The following NDUFS2 variants were observed in gnomAD, a reference collection of about 807,000 sequenced individuals.
The protein encoded by NDUFS2 is NADH:ubiquinone oxidoreductase core subunit S2.
Under a neutral mutation model 69.6 loss-of-function variants are expected in NDUFS2, and 38 were observed. That is an observed-to-expected ratio of 0.55 (90% CI 0.42 to 0.72). The LOEUF is 0.72. Among genes scored for constraint, NDUFS2 ranks in the 30% least tolerant of loss-of-function variants. The pLI is 0.00. For synonymous variants in NDUFS2, 194 were observed against 211.2 expected, an observed-to-expected ratio of 0.92 and a Z score of 0.70; for missense variants, 468 against 595.0, an observed-to-expected ratio of 0.79 and a Z score of 2.22.
At chr1:161,212,262 C>T in intron 9 of NDUFS2, 89 bp from the exon 10 acceptor site, 1 of 1,549,602 alleles carries the variant, frequency 6.5e-7, no homozygotes, top group South Asian at 1.1e-5. Context: ...GTTGACCTAA[C>T]CCTTTTGAGG....
upstream of NDUFS2, chr1:161,198,271 C>T: frequency 6.2e-7 from 1 of 1,613,974 alleles, no homozygotes; most frequent in African/African-American, 1.3e-5. This position sits in a 1 kb window ranked among gnomAD's most constrained non-coding sequence, Gnocchi z 4.7. Flanking sequence ...CTGCTCCACC[C>T]AGCAGCTCAG....
intron 2 of NDUFS2, among the ~76,000 whole-genome samples, 185 bp from the exon 3 acceptor site, chr1:161,206,222 A>G (rs1207753948): frequency 1.3e-5 from 2 of 152,216 alleles, no homozygotes; most frequent in East Asian, 3.8e-4. Context: ...GTCTGTCATC[A>G]GAAAGTTTAG....
At chr1:161,197,978 A>T, upstream of NDUFS2, 1 of 1,538,828 alleles carries the variant, frequency 6.5e-7, no homozygotes, top group Non-Finnish European at 8.8e-7. Context: ...CAGGACACAG[A>T]CTCCAGAGAT....
chr1:161,208,340 G>A (rs1207650212), intron 3 of NDUFS2, among the ~76,000 whole-genome samples: 1 of 151,872 alleles, frequency 6.6e-6, no homozygotes, highest in African/African-American at 2.4e-5. Flanking sequence ...TGCTCTTGTT[G>A]CCTAGGCTAG....
At chr1:161,212,248 G>A in intron 9 of NDUFS2, 103 bp from the exon 10 acceptor site, 5 of 1,420,594 alleles carry the variant, frequency 3.5e-6, no homozygotes, top group Non-Finnish European at 4.9e-6. Context: ...AAAGAGTGGG[G>A]AGAGTTGACC....
intron 2 of NDUFS2, among the ~76,000 whole-genome samples, chr1:161,205,660 C>T (rs1665418447): frequency 6.6e-6 from 1 of 151,622 alleles, no homozygotes; most frequent in South Asian, 2.1e-4. Flanking sequence ...CCCAGCTACT[C>T]TGGAGGCTGA....
chr1:161,212,704 C>A, intron 10 of NDUFS2: 1 of 437,610 alleles, frequency 2.3e-6, no homozygotes, highest in Non-Finnish European at 4.2e-6. Flanking sequence ...AGATTACAGG[C>A]GTGTGCCACT....
At chr1:161,197,966 C>T (rs200879343), upstream of NDUFS2, 349 of 1,532,378 alleles carry the variant, frequency 2.3e-4, 3 homozygotes, top group East Asian at 6.1e-3. Context: ...GGGAGGACAC[C>T]GCAGGACACA....
upstream of NDUFS2, chr1:161,199,223 G>C (rs1464023754): frequency 6.6e-6 from 1 of 152,426 alleles, no homozygotes; most frequent in Non-Finnish European, 1.5e-5. Flanking sequence ...CAGCCGAATG[G>C]ATAATAGGCA....
At chr1:161,213,329 G>C (rs1665873789) in intron 10 of NDUFS2, 51 bp from the exon 11 acceptor site, 7 of 1,263,600 alleles carry the variant, frequency 5.5e-6, no homozygotes, top group Non-Finnish European at 8.0e-6. Context: ...GGAGGCCTAG[G>C]AGACAGAGTT....
chr1:161,197,917 G>A (rs1236693764), upstream of NDUFS2: 4 of 1,505,706 alleles, frequency 2.7e-6, no homozygotes, highest in Non-Finnish European at 2.7e-6. Flanking sequence ...GTAAGTGGGT[G>A]GAGAGAGGGT....
chr1:161,205,052 A>C (rs538625268), intron 2 of NDUFS2, among the ~76,000 whole-genome samples: 29 of 152,142 alleles, frequency 1.9e-4, no homozygotes, highest in African/African-American at 7.0e-4. Context: ...CTGTCTCAAA[A>C]AAAAAAAAAA....
chr1:161,199,890 C>T (rs1402544214), upstream of NDUFS2, among the ~76,000 whole-genome samples: 2 of 151,462 alleles, frequency 1.3e-5, no homozygotes, highest in Admixed American at 1.3e-4. Flanking sequence ...GTTCCCCCTC[C>T]CCACTTCCTG....
chr1:161,197,906 T>TAGAAGGGAGGGAAGCAGAACGGCCAGAA, upstream of NDUFS2: 1 of 1,492,158 alleles, frequency 6.7e-7, no homozygotes, highest in Non-Finnish European at 8.9e-7. Flanking sequence ...CGGCCAGAAG[T>TAGAAGGGAGGGAAGCAGAACGGCCAGAA]GTAAGTGGGT....
At position 161,202,461 on chromosome 1, in the gene NDUFS2, TTGCCGATTCA is replaced by T; in HGVS notation, c.77_86del (p.Leu26CysfsTer49). On this transcript the variant is annotated frameshift_variant, in exon 1 of 14. Transcript: ENST00000676972. LOFTEE classifies it high-confidence loss of function. ...GCTGCGGCCTGGGGCTGGAGTCCGA[TTGCCGATTCA>T]GCCCAGCAGGTGAGATCGAGGGCAG... The T allele has an allele frequency of 1.2e-6, 2 of 1,611,952 alleles. No individual in the cohort carries two copies. The highest frequency in any genetic ancestry group is 1.7e-6 in the Non-Finnish European group (2 of 1,179,400).
rs1303432418 is a variant in NDUFS2, at chr1:161,213,850, C to G, written c.1297-14C>G. On this transcript the variant is annotated splice_polypyrimidine_tract_variant and intron_variant, in intron 12 of 13. Transcript: ENST00000676972. ...AAGTCTTAACTAACATTGTTGCCATCTCAATCTCCCTAGGCTGGTTTGGAC... is the reference window on the plus strand; with the variant it reads ...AAGTCTTAACTAACATTGTTGCCATGTCAATCTCCCTAGGCTGGTTTGGAC... 6.2e-7 allele frequency: 1 copy of G among 1,613,998 alleles called. No individual in the cohort carries two copies. The highest frequency in any genetic ancestry group is 1.3e-5 in the African/African-American group (1 of 74,932).
upstream of NDUFS2, chr1:161,202,103 T>C: frequency 3.8e-6 from 2 of 521,516 alleles, no homozygotes; most frequent in Admixed American, 6.3e-5. Context: ...GCACGAAGTA[T>C]CTGCCCCACG....
At chr1:161,200,249 G>A (rs1268279077), upstream of NDUFS2, among the ~76,000 whole-genome samples, 1 of 152,124 alleles carries the variant, frequency 6.6e-6, no homozygotes, top group African/African-American at 2.4e-5. Flanking sequence ...TGGGGAAAGT[G>A]GCTGGGGAGG....
chr1:161,212,249 A>G, intron 9 of NDUFS2, 102 bp from the exon 10 acceptor site: 1 of 1,410,850 alleles, frequency 7.1e-7, no homozygotes, highest in East Asian at 2.3e-5. Flanking sequence ...AAGAGTGGGG[A>G]GAGTTGACCT....
Sources: gnomAD v4.1 joint callset for allele counts (sites outside exome capture counted in the v4.1 genomes callset) on GRCh38, gnomAD v4.1.1 for gene constraint, Gnocchi (gnomAD v3.1) non-coding constraint, MANE v1.5 for transcripts, NCBI Gene and HGNC (gene_info 2026-07-23, HGNC 2026-07-21) for gene names.